Variants in RACK1 observed in about 807,000 individuals in gnomAD.
The protein encoded by RACK1 is small ribosomal subunit protein RACK1.
In RACK1, 3 loss-of-function variants were observed where a neutral mutation model predicts 42.2. The observed-to-expected ratio is 0.07, with a 90% confidence interval of 0.03 to 0.18. The LOEUF (loss-of-function observed/expected upper bound fraction) is 0.18, where lower values mean the gene tolerates loss of function less well. RACK1 is among the 10% of genes least tolerant of loss of function. The probability of loss-of-function intolerance (pLI) is 1.00; values close to 1 mark genes in which losing one functional copy is unlikely to be tolerated. For synonymous variants in RACK1, 181 were observed against 154.8 expected (o/e 1.17, Z -1.25); for missense variants, 146 against 403.2 (o/e 0.36, Z 5.46).
At chr5:181,242,800 C>CCACT (rs1670718244) in intron 1 of RACK1, 1 of 333,760 alleles carries the variant, frequency 3.0e-6, no homozygotes, top group African/African-American at 2.2e-5. Flanking sequence ...CTCAAGTGAT[C>CCACT]CACTCGCCTC....
rs113169236 is a variant in RACK1 at position 181,239,585 on chromosome 5, A to G, written c.430-3T>C. The G allele has an allele frequency of 3.7e-6, 6 of 1,604,562 alleles. No individual in the cohort carries two copies. In the South Asian group the frequency reaches 5.5e-5, roughly 15 times the overall value. On this transcript the variant is annotated splice_polypyrimidine_tract_variant and splice_region_variant and intron_variant, in intron 3 of 7. Coordinates refer to ENST00000512805, the MANE Select transcript of RACK1 (RefSeq NM_006098.5). ...ACCCACTCTGAGTGGCTCTCATCCT[A>G]CAGAAGATGGAAAGGAAATTAGGGC...
chr5:181,243,837 G>A lies in RACK1; in HGVS notation c.-37C>T, dbSNP rs761337978. 4.4e-5 allele frequency: 68 copies of A among 1,563,130 alleles called. No homozygotes were observed. The highest frequency in any genetic ancestry group is 5.8e-5 in the Non-Finnish European group (67 of 1,153,628). ...GAGCGTGTGTCGCTGCAGCGACGAGGATGGCACTGGATGGCTTAGAGAAAC... is the reference window on the plus strand; with the variant it reads ...GAGCGTGTGTCGCTGCAGCGACGAGAATGGCACTGGATGGCTTAGAGAAAC... On this transcript the variant is annotated 5_prime_UTR_variant, in exon 1 of 8. Transcript: ENST00000512805.
chr5:181,237,212 G>C, intron 7 of RACK1, 170 bp from the exon 8 acceptor site: 1 of 1,309,982 alleles, frequency 7.6e-7, no homozygotes, highest in Non-Finnish European at 1.1e-6. Context: ...TGCAGTTCAA[G>C]AGATCCTCCC....
intron 5 of RACK1, 111 bp downstream of exon 5, chr5:181,238,956 T>C: frequency 1.3e-6 from 1 of 785,288 alleles, no homozygotes; most frequent in Non-Finnish European, 2.3e-6. Context: ...CTCATTATCC[T>C]CCTAAAACCA....
rs749991697 is a variant in RACK1, at chr5:181,243,688, G to A, written c.109+4C>T. ...CGGGTCCTGAAATCTACCTTAGTCCGTACCTCGAGAGGCGGAGAGGATCAT... is the reference window on the plus strand; with the variant it reads ...CGGGTCCTGAAATCTACCTTAGTCCATACCTCGAGAGGCGGAGAGGATCAT... On this transcript the variant is annotated splice_donor_region_variant and intron_variant, in intron 1 of 7. Transcript: ENST00000512805. 4.4e-6 allele frequency: 7 copies of A among 1,594,466 alleles called. No individual in the cohort carries two copies. Among genetic ancestry groups the A allele is most frequent in the Non-Finnish European group, 6.0e-6 (7 of 1,170,554 alleles).
intron 1 of RACK1, chr5:181,243,270 T>C: frequency 7.4e-7 from 1 of 1,354,446 alleles, no homozygotes; most frequent in Non-Finnish European, 9.8e-7. Flanking sequence ...CACGAGGTCC[T>C]CTGGAGTCCA....
Position 181,239,216 on chromosome 5 carries a change from C to T in RACK1, c.526-39G>A, listed in dbSNP as rs1433728678. ...CGGTTGACAGGTGAACATCCTAGCTCTTGATGAGCTAGGGTCAGGCCCAAC... is the reference window on the plus strand; with the variant it reads ...CGGTTGACAGGTGAACATCCTAGCTTTTGATGAGCTAGGGTCAGGCCCAAC... On this transcript the variant is annotated intron_variant, in intron 4 of 7. Coordinates refer to ENST00000512805, the MANE Select transcript of RACK1 (RefSeq NM_006098.5). 4.5e-6 allele frequency: 6 copies of T among 1,337,248 alleles called. No homozygotes were observed. In the South Asian group the frequency reaches 5.8e-5, roughly 13 times the overall value. The allele number at this position is 1,337,248 out of a possible 1,614,324, so 82.8% of individuals were successfully genotyped here.
At chr5:181,243,276 G>A (rs1276070790) in intron 1 of RACK1, 1 of 1,355,748 alleles carries the variant, frequency 7.4e-7, no homozygotes. Flanking sequence ...GTCCTCTGGA[G>A]TCCACCTGCC....
rs768853411 is a variant in RACK1, at chr5:181,239,052, C to T, written c.636+15G>A. 75 of 1,546,340 alleles carry T rather than the reference C, an allele frequency of 4.9e-5. No homozygotes were observed. Among genetic ancestry groups the T allele is most frequent in the Non-Finnish European group, 6.4e-5 (72 of 1,118,206 alleles). ...CTGTCTTCCACTGAGTAGGAGACGC[C>T]TTGTCCCCAAATACCTTGCCTCCAG... On this transcript the variant is annotated intron_variant, in intron 5 of 7. Transcript: ENST00000512805.
At position 181,241,655 on chromosome 5, in the gene RACK1, T is replaced by G; in HGVS notation, c.282-16A>C. Reference sequence around the variant, plus strand: ...GGTGGTGCCCCTGAGAGGGAGGAGTTTGTCATTCTCAGACTTAGCAAACAC... The same window carrying G: ...GGTGGTGCCCCTGAGAGGGAGGAGTGTGTCATTCTCAGACTTAGCAAACAC... On this transcript the variant is annotated splice_polypyrimidine_tract_variant and intron_variant, in intron 2 of 7. Transcript: ENST00000512805. 1 of 1,613,638 alleles carries G rather than the reference T, an allele frequency of 6.2e-7. No homozygotes were observed. Among genetic ancestry groups the G allele is most frequent in the Non-Finnish European group, 8.5e-7 (1 of 1,179,796 alleles).
At chr5:181,243,242 G>C (rs777386011) in intron 1 of RACK1, 5 of 1,337,454 alleles carry the variant, frequency 3.7e-6, no homozygotes, top group East Asian at 4.9e-5. Flanking sequence ...GGCAGAAAAA[G>C]TAGGCCGACA....
chr5:181,242,082 T>C, intron 2 of RACK1, 92 bp downstream of exon 2: 2 of 1,153,602 alleles, frequency 1.7e-6, no homozygotes, highest in Non-Finnish European at 2.5e-6. Flanking sequence ...CCAAATGGAC[T>C]GGATCTCCCC....
At chr5:181,238,734 G>A in intron 5 of RACK1, 3 of 372,584 alleles carry the variant, frequency 8.1e-6, no homozygotes, top group Middle Eastern at 9.5e-4. Context: ...CCCGGGAGAT[G>A]GTTGCAGTGA....
rs1561678597 is a variant in RACK1, at chr5:181,237,254, GC to G, written c.889-213del. 3 of 918,932 alleles carry G rather than the reference GC, an allele frequency of 3.3e-6. No individual in the cohort carries two copies. In the South Asian group the frequency reaches 4.2e-5, roughly 13 times the overall value. The allele number at this position is 918,932 out of a possible 1,614,324, so 56.9% of individuals were successfully genotyped here. On this transcript the variant is annotated intron_variant, in intron 7 of 7. Transcript: ENST00000512805. Reference sequence around the variant, plus strand: ...GCCTCCAGTAGGCATGTGCCACAACGCCGGGTAGACTGTAAGAAACCGCTCT... The same window carrying G: ...GCCTCCAGTAGGCATGTGCCACAACGCGGGTAGACTGTAAGAAACCGCTCT...
Position 181,243,877 on chromosome 5 carries a change from C to T in RACK1, c.-77G>A, listed in dbSNP as rs1438599241. 1.4e-5 allele frequency: 21 copies of T among 1,494,416 alleles called. No homozygotes were observed. Among genetic ancestry groups the T allele is most frequent in the Middle Eastern group, 2.3e-4 (1 of 4,328 alleles). The allele number at this position is 1,494,416 out of a possible 1,614,324, so 92.6% of individuals were successfully genotyped here. A position where few individuals can be genotyped will look rare whatever the true frequency, so the allele number is the denominator to read the frequency against. On this transcript the variant is annotated 5_prime_UTR_variant, in exon 1 of 8. Coordinates refer to ENST00000512805, the MANE Select transcript of RACK1 (RefSeq NM_006098.5). ...CTTAGAGAAACTAGCACCACAACCTCTCCTGCCGCCGCCTTGCAGTGAAAG... is the reference window on the plus strand; with the variant it reads ...CTTAGAGAAACTAGCACCACAACCTTTCCTGCCGCCGCCTTGCAGTGAAAG...
At chr5:181,241,195 G>GAGGC (rs1554104651) in intron 3 of RACK1, 1 of 244,496 alleles carries the variant, frequency 4.1e-6, no homozygotes, top group Non-Finnish European at 7.9e-6. Context: ...TTGGGAGGGC[G>GAGGC]AGGCAGGCAA....
intron 2 of RACK1, 109 bp from the exon 3 acceptor site, chr5:181,241,748 T>TG (rs1475878924): frequency 8.2e-7 from 1 of 1,218,744 alleles, no homozygotes; most frequent in African/African-American, 1.5e-5. Flanking sequence ...CATACAACCC[T>TG]GGATTTGGCT....
chr5:181,237,435 T>G (rs1759182035), intron 7 of RACK1, 174 bp downstream of exon 7: 2 of 672,066 alleles, frequency 3.0e-6, no homozygotes, highest in African/African-American at 1.8e-5. Flanking sequence ...TTCCCTCTGA[T>G]GCAGAAACAC....
At chr5:181,242,670 G>A in intron 1 of RACK1, 1 of 384,172 alleles carries the variant, frequency 2.6e-6, no homozygotes. Flanking sequence ...CAATTCTCCC[G>A]CCTCAGCCTC....
Sources: gnomAD v4.1 joint callset for allele counts on GRCh38, gnomAD v4.1.1 for gene constraint, MANE v1.5 for transcripts, NCBI Gene and HGNC (gene_info 2026-07-23, HGNC 2026-07-21) for gene names.